The following DACH1 variants were observed in gnomAD, a reference collection of about 807,000 sequenced individuals.
DACH1 encodes dachshund homolog 1.
A neutral mutation model predicts 54.2 loss-of-function variants in DACH1; 12 were observed. That is an observed-to-expected ratio of 0.22 (90% CI 0.14 to 0.36). The LOEUF (loss-of-function observed/expected upper bound fraction) is 0.36, where lower values mean the gene tolerates loss of function less well. DACH1 is among the 10% of genes least tolerant of loss of function. The pLI is 1.00. For missense variants in DACH1, 805 were observed against 929.8 expected (o/e 0.87, Z 1.75); for synonymous variants, 386 against 366.2 (o/e 1.05, Z -0.62).
chr13:71,772,085 A>T lies in DACH1; in HGVS notation c.849-90175T>A, dbSNP rs530502016. Among the ~76,000 whole-genome samples, 48 of 151,744 alleles carry T rather than the reference A, an allele frequency of 3.2e-4. 1 individual carries two copies. The highest frequency in any genetic ancestry group is 1.1e-3 in the African/African-American group (44 of 41,530). ...ATGTATTATTCTAAACAAACCAAGC[A>T]GTAATTACAACTGTAAATTAATCTC... is the stretch of plus-strand genomic sequence containing the variant. On this transcript the variant is annotated intron_variant, in intron 1 of 10. Transcript: ENST00000613252.
chr13:71,603,928 G>C (rs1056418797), intron 3 of DACH1, among the ~76,000 whole-genome samples: 4 of 151,828 alleles, frequency 2.6e-5, no homozygotes, highest in Admixed American at 2.0e-4. Flanking sequence ...GGGAATGTCA[G>C]GGTAACTTTG....
intron 2 of DACH1, among the ~76,000 whole-genome samples, chr13:71,633,546 C>CTT (rs1445357829): frequency 1.3e-5 from 2 of 151,972 alleles, no homozygotes; most frequent in Non-Finnish European, 2.9e-5. Flanking sequence ...TCTATGACAG[C>CTT]TTTTCCCAGT....
At chr13:71,738,035 C>T (rs767093497) in intron 1 of DACH1, among the ~76,000 whole-genome samples, 10 of 151,958 alleles carry the variant, frequency 6.6e-5, no homozygotes, top group Admixed American at 5.2e-4. Context: ...CTAGTAGTTC[C>T]GAGGAGAAAA....
chr13:71,447,725 T>C (rs983166824), intron 10 of DACH1, among the ~76,000 whole-genome samples: 2 of 150,402 alleles, frequency 1.3e-5, no homozygotes, highest in Middle Eastern at 3.2e-3. Flanking sequence ...CCCAGCTACT[T>C]GGGAGGCTGA....
intron 10 of DACH1, among the ~76,000 whole-genome samples, chr13:71,452,899 TAA>T (rs1186625831): frequency 2.6e-5 from 4 of 152,202 alleles, no homozygotes; most frequent in African/African-American, 9.6e-5. Context: ...AAATAAATAT[TAA>T]GTTATCTTTT....
chr13:71,625,721 T>C (rs868062234), intron 3 of DACH1, among the ~76,000 whole-genome samples: 1 of 152,018 alleles, frequency 6.6e-6, no homozygotes, highest in Non-Finnish European at 1.5e-5. Flanking sequence ...GCATGTGAAA[T>C]GTGTTCAGGT....
intron 6 of DACH1, among the ~76,000 whole-genome samples, chr13:71,502,052 G>A (rs1261920290): frequency 6.6e-6 from 1 of 151,990 alleles, no homozygotes; most frequent in Non-Finnish European, 1.5e-5. Flanking sequence ...AATTTTTTAA[G>A]GGCATTCAAA....
intron 6 of DACH1, among the ~76,000 whole-genome samples, chr13:71,545,640 G>A (rs1244825175): frequency 6.6e-6 from 1 of 151,834 alleles, no homozygotes; most frequent in Non-Finnish European, 1.5e-5. Flanking sequence ...ACTAATTAAT[G>A]ATTGTCTCAT....
At chr13:71,694,080 A>C (rs952464144) in intron 1 of DACH1, among the ~76,000 whole-genome samples, 1 of 152,196 alleles carries the variant, frequency 6.6e-6, no homozygotes, top group Non-Finnish European at 1.5e-5. Context: ...TTATGAATGC[A>C]GAGGCAAGAT....
chr13:71,844,563 A>G (rs1048252893), intron 1 of DACH1, among the ~76,000 whole-genome samples: 18 of 152,206 alleles, frequency 1.2e-4, no homozygotes, highest in Admixed American at 2.6e-4. Flanking sequence ...TTTATGCAAT[A>G]TATCATTTAT....
intron 6 of DACH1, among the ~76,000 whole-genome samples, chr13:71,509,760 T>C (rs1224814326): frequency 6.6e-6 from 1 of 152,096 alleles, no homozygotes; most frequent in Non-Finnish European, 1.5e-5. Context: ...AACTAAATAG[T>C]TCTAATTGCA....
chr13:71,686,493 T>C (rs1233327337), intron 1 of DACH1, among the ~76,000 whole-genome samples: 2 of 152,304 alleles, frequency 1.3e-5, no homozygotes, highest in African/African-American at 4.8e-5. Flanking sequence ...TTACTAACTT[T>C]TCCAGGTCCA....
At chr13:71,544,501 A>G (rs1883337071) in intron 6 of DACH1, among the ~76,000 whole-genome samples, 1 of 152,112 alleles carries the variant, frequency 6.6e-6, no homozygotes, top group African/African-American at 2.4e-5. Flanking sequence ...TTAATAGAGA[A>G]AATTGCTCAC....
At chr13:71,483,265 T>C (rs981643077) in intron 7 of DACH1, among the ~76,000 whole-genome samples, 13 of 150,612 alleles carry the variant, frequency 8.6e-5, no homozygotes, top group African/African-American at 3.2e-4. Context: ...GTAGGGCCAA[T>C]ATATTTGATA....
chr13:71,492,493 T>G (rs1262436538), intron 6 of DACH1, among the ~76,000 whole-genome samples: 3 of 152,106 alleles, frequency 2.0e-5, no homozygotes, highest in African/African-American at 7.2e-5. Context: ...CACTGGAAGC[T>G]AAAAGAGATA....
At chr13:71,698,328 G>T (rs543445178) in intron 1 of DACH1, among the ~76,000 whole-genome samples, 1 of 152,150 alleles carries the variant, frequency 6.6e-6, no homozygotes, top group East Asian at 1.9e-4. Flanking sequence ...TAGCACATAA[G>T]GAATTAAAAA....
intron 1 of DACH1, among the ~76,000 whole-genome samples, chr13:71,852,606 G>A (rs931629525): frequency 1.3e-5 from 2 of 152,132 alleles, no homozygotes; most frequent in Non-Finnish European, 2.9e-5. Context: ...ACATTGTTTG[G>A]AGCAAAGGAA....
chr13:71,733,213 G>C (rs1883829751), intron 1 of DACH1, among the ~76,000 whole-genome samples: 1 of 152,134 alleles, frequency 6.6e-6, no homozygotes, highest in Admixed American at 6.5e-5. Flanking sequence ...CAAGATTATA[G>C]TACAGTGGCA....
At chr13:71,647,285 A>T (rs1878348443) in intron 2 of DACH1, among the ~76,000 whole-genome samples, 1 of 152,220 alleles carries the variant, frequency 6.6e-6, no homozygotes, top group Non-Finnish European at 1.5e-5. Context: ...AAATTAAATA[A>T]TAAAGACATT....
Sources: allele counts gnomAD v4.1 joint callset (sites outside exome capture counted in the v4.1 genomes callset), GRCh38; gene constraint gnomAD v4.1.1; transcripts MANE v1.5; gene names NCBI Gene and HGNC (gene_info 2026-07-23, HGNC 2026-07-21).